MRPS18A: variants seen among roughly 807,000 people sequenced by gnomAD.
MRPS18A encodes the protein large ribosomal subunit protein mL66.
In MRPS18A, 20 loss-of-function variants were observed where a neutral mutation model predicts 22.7. The ratio of observed to expected loss-of-function variants is 0.88; its 90% confidence interval spans 0.62 to 1.28. MRPS18A has a LOEUF of 1.28. MRPS18A is among the 50% of genes most tolerant of loss of function. The probability of loss-of-function intolerance (pLI) is 0.00; values close to 1 mark genes in which losing one functional copy is unlikely to be tolerated. For synonymous variants in MRPS18A, 106 were observed against 99.1 expected, an observed-to-expected ratio of 1.07 and a Z score of -0.41; for missense variants, 294 against 262.6, an observed-to-expected ratio of 1.12 and a Z score of -0.83.
chr6:43,682,963 A>C (rs1774497346), intron 1 of MRPS18A, among the ~76,000 whole-genome samples: 1 of 152,226 alleles, frequency 6.6e-6, no homozygotes, highest in Admixed American at 6.5e-5. Flanking sequence ...AAGGAACCAA[A>C]GGAGAGACAC....
intron 1 of MRPS18A, among the ~76,000 whole-genome samples, chr6:43,684,637 C>T (rs930043748): frequency 6.6e-6 from 1 of 152,060 alleles, no homozygotes; most frequent in Non-Finnish European, 1.5e-5. Context: ...GGACTATGTC[C>T]CCTGAATTCT....
At chr6:43,675,831 C>T (rs1056259331) in intron 3 of MRPS18A, among the ~76,000 whole-genome samples, 8 of 152,126 alleles carry the variant, frequency 5.3e-5, no homozygotes, top group Non-Finnish European at 8.8e-5. Context: ...CATTATCAAC[C>T]CCAAGAGCTC....
rs1774779962 is a variant in MRPS18A, at chr6:43,687,523, G to A, written c.112+145C>T. ...AGATAAGGCACCAGGGTGTGGAAGG[G>A]GCTTTTAAGCACGCCTGGGGAGCCG... On this transcript the variant is annotated intron_variant, in intron 1 of 5. Transcript: ENST00000372133. 11 of 683,010 alleles carry A rather than the reference G, an allele frequency of 1.6e-5. 1 individual carries two copies. In the East Asian group the frequency reaches 3.0e-4, roughly 19 times the overall value. 42.3% of individuals were successfully genotyped at this position (683,010 alleles called of 1,614,324 possible). A position where few individuals can be genotyped will look rare whatever the true frequency, so the allele number is the denominator to read the frequency against.
chr6:43,675,858 ATTT>A (rs112883657), intron 3 of MRPS18A, among the ~76,000 whole-genome samples: 6 of 146,968 alleles, frequency 4.1e-5, no homozygotes, highest in African/African-American at 1.2e-4. Context: ...TCTCTATGAG[ATTT>A]TTTTTTTTTT....
At chr6:43,684,845 T>G (rs187243474) in intron 1 of MRPS18A, among the ~76,000 whole-genome samples, 2 of 152,354 alleles carry the variant, frequency 1.3e-5, no homozygotes, top group Admixed American at 6.5e-5. Flanking sequence ...TGTCTTAATT[T>G]ATATAATAAT....
At chr6:43,676,762 C>A (rs748200536) in intron 3 of MRPS18A, among the ~76,000 whole-genome samples, 10 of 152,260 alleles carry the variant, frequency 6.6e-5, no homozygotes, top group Non-Finnish European at 8.8e-5. Flanking sequence ...TCAAGTTCCA[C>A]AAACCAACTT....
At chr6:43,687,157 C>T (rs1413335938) in intron 1 of MRPS18A, among the ~76,000 whole-genome samples, 2 of 152,162 alleles carry the variant, frequency 1.3e-5, no homozygotes, top group Non-Finnish European at 2.9e-5. Flanking sequence ...TTGCCTATGT[C>T]TCAGCTATTC....
Position 43,673,928 on chromosome 6 carries a change from C to T in MRPS18A, c.446+1274G>A, listed in dbSNP as rs1193795311. Among the ~76,000 whole-genome samples the T allele has an allele frequency of 3.9e-5, 6 of 152,196 alleles. No individual in the cohort carries two copies. The highest frequency in any genetic ancestry group is 1.2e-4 in the African/African-American group (5 of 41,452). On this transcript the variant is annotated intron_variant, in intron 5 of 5. Transcript: ENST00000372133. This position sits in a 1 kb window ranked among gnomAD's most constrained non-coding sequence, Gnocchi z 4.2. ...AGGGCGCCTGGCCTAGCTTCAAAGGCCTGAGGCAGGATGGATTGTGTCCTC... is the reference window on the plus strand; with the variant it reads ...AGGGCGCCTGGCCTAGCTTCAAAGGTCTGAGGCAGGATGGATTGTGTCCTC...
At chr6:43,676,517 C>T (rs1392227034) in intron 3 of MRPS18A, among the ~76,000 whole-genome samples, 3 of 152,146 alleles carry the variant, frequency 2.0e-5, no homozygotes, top group Non-Finnish European at 4.4e-5. Context: ...CCATCACATG[C>T]CCACCAGGCT....
At chr6:43,687,591 G>A in intron 1 of MRPS18A, 77 bp downstream of exon 1, 12 of 1,258,260 alleles carry the variant, frequency 9.5e-6, no homozygotes, top group Non-Finnish European at 1.2e-5. Context: ...AAGGTAGGAA[G>A]GAGCGCACCG....
At position 43,673,137 on chromosome 6, in the gene MRPS18A, G is replaced by A. The variant is rs1319636586; in HGVS notation, c.447-1231C>T. 1.3e-5 allele frequency among the ~76,000 whole-genome samples: 2 copies of A among 151,960 alleles called. No individual in the cohort carries two copies. Among genetic ancestry groups the A allele is most frequent in the African/African-American group, 4.8e-5 (2 of 41,366 alleles). On this transcript the variant is annotated intron_variant, in intron 5 of 5. Coordinates refer to ENST00000372133, the MANE Select transcript of MRPS18A (RefSeq NM_018135.4). This position sits in a 1 kb window ranked among gnomAD's most constrained non-coding sequence, Gnocchi z 4.2. ...GGAGTAGCTTGGATTACAGGCACCC[G>A]CCACAATGCATGGCTAATTTTTGTA...
At position 43,673,155 on chromosome 6, in the gene MRPS18A, T is replaced by C. The variant is rs1209416120; in HGVS notation, c.447-1249A>G. Among the ~76,000 whole-genome samples, 1 of 152,030 alleles carries C rather than the reference T, an allele frequency of 6.6e-6. No homozygotes were observed. The highest frequency in any genetic ancestry group is 1.9e-4 in the East Asian group (1 of 5,192). On this transcript the variant is annotated intron_variant, in intron 5 of 5. Coordinates refer to ENST00000372133, the MANE Select transcript of MRPS18A (RefSeq NM_018135.4). The surrounding 1 kb of genome is among the most constrained non-coding windows in gnomAD (Gnocchi z 4.2). ...GGCACCCGCCACAATGCATGGCTAA[T>C]TTTTGTATTTTTAGTAGAGACGTGG...
In MRPS18A at chr6:43,671,840, CCT is replaced by C. The variant is rs752699626; in HGVS notation, c.511_512del (p.Arg171GlyfsTer91). The C allele has an allele frequency of 3.1e-6, 5 of 1,614,112 alleles. No homozygotes were observed. The African/African-American group carries it at 4.0e-5, about 13-fold the overall frequency. On this transcript the variant is annotated frameshift_variant, in exon 6 of 6. Transcript: ENST00000372133. LOFTEE classifies it high-confidence loss of function. ...GGGGTGACCCCACGGGCATGCGCAC[CCT>C]GTTCCAGCGGGGGCCTTTTTTGTAG... ...PIYKKGPRWN[R>X]VRMPVGSPLL...
intron 1 of MRPS18A, among the ~76,000 whole-genome samples, chr6:43,686,373 T>C (rs1198663534): frequency 1.3e-5 from 2 of 152,356 alleles, no homozygotes; most frequent in Middle Eastern, 3.4e-3. Flanking sequence ...ATGATTTCTT[T>C]AGTGTCTTTA....
Position 43,687,404 on chromosome 6 carries a change from A to C in MRPS18A, c.112+264T>G, listed in dbSNP as rs75124999. 5.1e-4 allele frequency among the ~76,000 whole-genome samples: 78 copies of C among 152,334 alleles called. 1 individual carries two copies. In the East Asian group the frequency reaches 0.013, roughly 26 times the overall value. On this transcript the variant is annotated intron_variant, in intron 1 of 5. Coordinates refer to ENST00000372133, the MANE Select transcript of MRPS18A (RefSeq NM_018135.4). The stretch of plus-strand genomic sequence containing the variant: ...CTTTCCGAAAACTTTTCTGAGCCCT[A>C]GGACAGGTTTAGTGTCTGCTCCTGC...
chr6:43,684,844 TTA>T (rs1774602774), intron 1 of MRPS18A, among the ~76,000 whole-genome samples: 2 of 152,220 alleles, frequency 1.3e-5, no homozygotes, highest in Non-Finnish European at 2.9e-5. Flanking sequence ...ATGTCTTAAT[TTA>T]TATAATAATA....
At chr6:43,676,386 C>G (rs977666282) in intron 3 of MRPS18A, among the ~76,000 whole-genome samples, 1 of 152,158 alleles carries the variant, frequency 6.6e-6, no homozygotes, top group Non-Finnish European at 1.5e-5. Flanking sequence ...CTGCCATTCC[C>G]TCTGAAGTGC....
At chr6:43,686,921 C>T (rs1189805634) in intron 1 of MRPS18A, among the ~76,000 whole-genome samples, 1 of 152,178 alleles carries the variant, frequency 6.6e-6, no homozygotes, top group Non-Finnish European at 1.5e-5. Flanking sequence ...ACTGAGTCTC[C>T]CTGTACTTCG....
At chr6:43,684,156 T>C (rs1363305989) in intron 1 of MRPS18A, among the ~76,000 whole-genome samples, 3 of 152,070 alleles carry the variant, frequency 2.0e-5, no homozygotes, top group Non-Finnish European at 4.4e-5. Context: ...AAAACCTTGA[T>C]GGCCACATGA....
Sources: gnomAD v4.1 joint callset for allele counts (sites outside exome capture counted in the v4.1 genomes callset) on GRCh38, gnomAD v4.1.1 for gene constraint, Gnocchi (gnomAD v3.1) non-coding constraint, MANE v1.5 for transcripts, NCBI Gene and HGNC (gene_info 2026-07-23, HGNC 2026-07-21) for gene names.